Variants in KIF26B observed in about 807,000 individuals in gnomAD.
The protein encoded by KIF26B is kinesin-like protein KIF26B.
In KIF26B, 63 loss-of-function variants were observed where a neutral mutation model predicts 151.2. That is an observed-to-expected ratio of 0.42 (90% confidence interval 0.34 to 0.51). The LOEUF (loss-of-function observed/expected upper bound fraction) is 0.51. Ranked by LOEUF, KIF26B falls within the 20% of genes least tolerant of loss-of-function variation. KIF26B has a pLI of 0.07. For synonymous variants in KIF26B, 1,357 were observed against 1,262.1 expected (o/e 1.08, Z -1.59); for missense variants, 2,813 against 2,913.6 (o/e 0.97, Z 0.79).
At chr1:245,208,856 CTTCT>C (rs1669458353) in intron 2 of KIF26B, among the ~76,000 whole-genome samples, 1 of 152,206 alleles carries the variant, frequency 6.6e-6, no homozygotes, top group African/African-American at 2.4e-5. Context: ...CAGCTCCTAC[CTTCT>C]TTGTGTGTTT....
At chr1:245,366,803 T>C (rs750488479) in intron 2 of KIF26B, 31 bp from the exon 3 acceptor site, 19 of 1,602,956 alleles carry the variant, frequency 1.2e-5, no homozygotes, top group Non-Finnish European at 1.5e-5. Context: ...AGTTATAGAA[T>C]CTCCTCTCCC....
intron 2 of KIF26B, among the ~76,000 whole-genome samples, chr1:245,259,229 G>A (rs1670590954): frequency 6.6e-6 from 1 of 152,148 alleles, no homozygotes; most frequent in Non-Finnish European, 1.5e-5. Context: ...CTTCATTGTT[G>A]TACATTTGTT....
At position 245,155,351 on chromosome 1, in the gene KIF26B, C is replaced by A; in HGVS notation, c.-74C>A. On this transcript the variant is annotated 5_prime_UTR_variant, in exon 1 of 15. Coordinates refer to ENST00000407071, the MANE Select transcript of KIF26B (RefSeq NM_018012.4). Reference sequence around the variant, plus strand: ...GAGCCAGCCCCCTGCAGCCGGGGGACGCTTCTGGGTTGGAGGACCTTCTGG... The same window carrying A: ...GAGCCAGCCCCCTGCAGCCGGGGGAAGCTTCTGGGTTGGAGGACCTTCTGG... 1 of 1,253,688 alleles carries A rather than the reference C, an allele frequency of 8.0e-7. No individual in the cohort carries two copies. The highest frequency in any genetic ancestry group is 1.1e-6 in the Non-Finnish European group (1 of 875,772). 77.7% of individuals were successfully genotyped at this position (1,253,688 alleles called of 1,614,324 possible).
intron 4 of KIF26B, among the ~76,000 whole-genome samples, chr1:245,436,678 T>A (rs1658940057): frequency 6.6e-6 from 1 of 152,162 alleles, no homozygotes; most frequent in African/African-American, 2.4e-5. Flanking sequence ...TATCATCTAG[T>A]AAATACCTTC....
chr1:245,380,598 C>T (rs1194889712), intron 3 of KIF26B, among the ~76,000 whole-genome samples: 1 of 152,190 alleles, frequency 6.6e-6, no homozygotes, highest in East Asian at 1.9e-4. Flanking sequence ...GAGGCCCAGG[C>T]CTGTCAGGCG....
At chr1:245,363,333 A>G (rs955762254) in intron 2 of KIF26B, among the ~76,000 whole-genome samples, 12 of 152,012 alleles carry the variant, frequency 7.9e-5, no homozygotes, top group Admixed American at 6.6e-4. Flanking sequence ...AGTAGCTGGG[A>G]TTAGAGGCAT....
intron 3 of KIF26B, among the ~76,000 whole-genome samples, chr1:245,377,268 CT>C (rs1488079209): frequency 1.3e-5 from 2 of 152,210 alleles, no homozygotes; most frequent in Non-Finnish European, 2.9e-5. Flanking sequence ...GACTGCAAGT[CT>C]GAAATCAAGG....
intron 2 of KIF26B, among the ~76,000 whole-genome samples, chr1:245,231,105 A>T (rs1373747269): frequency 6.6e-6 from 1 of 152,192 alleles, no homozygotes; most frequent in Non-Finnish European, 1.5e-5. Flanking sequence ...AACAAAAATG[A>T]GATAAAGAGA....
intron 2 of KIF26B, among the ~76,000 whole-genome samples, chr1:245,263,523 A>G (rs1392118146): frequency 6.6e-6 from 1 of 152,248 alleles, no homozygotes; most frequent in East Asian, 1.9e-4. Context: ...TCTCACAAAC[A>G]CTGATGGAAT....
Position 245,375,015 on chromosome 1 carries a change from C to G in KIF26B, c.999+7648C>G, listed in dbSNP as rs1276347630. ...ATCCCCGCAATCTGTGGATGTGTTA[C>G]CTTACATGGTAAAAGGGCCTCAGCA... On this transcript the variant is annotated intron_variant, in intron 3 of 14. Transcript: ENST00000407071. This position sits in a 1 kb window ranked among gnomAD's most constrained non-coding sequence, Gnocchi z 4.2. Among the ~76,000 whole-genome samples the G allele has an allele frequency of 1.3e-5, 2 of 152,178 alleles. No homozygotes were observed. The highest frequency in any genetic ancestry group is 2.9e-5 in the Non-Finnish European group (2 of 68,024).
rs536963163 is a variant in KIF26B at position 245,189,571 on chromosome 1, C to T, written c.465+32888C>T. On this transcript the variant is annotated intron_variant, in intron 2 of 14. Coordinates refer to ENST00000407071, the MANE Select transcript of KIF26B (RefSeq NM_018012.4). ...CGTGAACCTCAGGCTGTGGAGTGTTCTTGTTCTAGATGTCCGCTGAGAGTT... is the reference window on the plus strand; with the variant it reads ...CGTGAACCTCAGGCTGTGGAGTGTTTTTGTTCTAGATGTCCGCTGAGAGTT... Among the ~76,000 whole-genome samples the T allele has an allele frequency of 2.6e-5, 4 of 152,242 alleles. No individual in the cohort carries two copies. The East Asian group carries it at 7.7e-4, about 29-fold the overall frequency.
chr1:245,414,944 G>T (rs894243495), intron 3 of KIF26B, among the ~76,000 whole-genome samples: 1 of 152,200 alleles, frequency 6.6e-6, no homozygotes. Context: ...GAAAAAAACG[G>T]GAATCAGAGG....
At chr1:245,539,734 C>A (rs1196305015) in intron 4 of KIF26B, among the ~76,000 whole-genome samples, 1 of 152,166 alleles carries the variant, frequency 6.6e-6, no homozygotes, top group Non-Finnish European at 1.5e-5. Flanking sequence ...CTCACTGCAA[C>A]CTCCGCCTCC....
chr1:245,215,249 AG>A (rs1192481680), intron 2 of KIF26B, among the ~76,000 whole-genome samples: 1 of 152,132 alleles, frequency 6.6e-6, no homozygotes, highest in Non-Finnish European at 1.5e-5. Flanking sequence ...GAGTACTCTC[AG>A]GGCCCGGCTC....
chr1:245,499,432 C>T (rs1660575956), intron 4 of KIF26B, among the ~76,000 whole-genome samples: 1 of 152,180 alleles, frequency 6.6e-6, no homozygotes, highest in African/African-American at 2.4e-5. Context: ...GGTGGAGTCC[C>T]TAATTCATAG....
At chr1:245,449,278 A>C (rs990829489) in intron 4 of KIF26B, among the ~76,000 whole-genome samples, 3 of 152,206 alleles carry the variant, frequency 2.0e-5, no homozygotes, top group African/African-American at 7.2e-5. Flanking sequence ...AGTGGGGTGA[A>C]AAGAACCAGG....
intron 5 of KIF26B, among the ~76,000 whole-genome samples, chr1:245,579,658 AAAAC>A (rs60952626): frequency 0.44 from 65,438 of 148,358 alleles, 15,705 homozygotes; most frequent in African/African-American, 0.64. Flanking sequence ...AAAAATACAA[AAAAC>A]AAACAAACAA....
intron 2 of KIF26B, among the ~76,000 whole-genome samples, chr1:245,176,244 C>T (rs112775409): frequency 7.2e-5 from 11 of 152,050 alleles, no homozygotes; most frequent in African/African-American, 2.7e-4. Context: ...GGTGATCCGC[C>T]TGCCTCAGCC....
intron 4 of KIF26B, among the ~76,000 whole-genome samples, chr1:245,468,495 A>G (rs1448268102): frequency 6.6e-6 from 1 of 152,090 alleles, no homozygotes; most frequent in Non-Finnish European, 1.5e-5. Flanking sequence ...GTAGCATTTC[A>G]CTCTTCCAAG....
Sources: gnomAD v4.1 joint callset for allele counts (sites outside exome capture counted in the v4.1 genomes callset) on GRCh38, gnomAD v4.1.1 for gene constraint, Gnocchi (gnomAD v3.1) non-coding constraint, MANE v1.5 for transcripts, NCBI Gene and HGNC (gene_info 2026-07-23, HGNC 2026-07-21) for gene names.